Variants in HYDIN observed in about 807,000 individuals in gnomAD.
The protein encoded by HYDIN is axonemal central pair apparatus protein HYDIN.
HYDIN carries 132 observed loss-of-function variants against 403.9 expected under a neutral mutation model. The ratio of observed to expected loss-of-function variants is 0.33; its 90% CI spans 0.28 to 0.38. The LOEUF (loss-of-function observed/expected upper bound fraction) is 0.38, where lower values mean the gene tolerates loss of function less well. Among genes scored for constraint, HYDIN ranks in the 10% least tolerant of loss-of-function variants. The pLI is 1.00. For synonymous variants in HYDIN, 1,202 were observed against 1,891.7 expected (o/e 0.64, Z 9.46); for missense variants, 2,827 against 5,009.5 (o/e 0.56, Z 13.15).
intron 49 of HYDIN, among the ~76,000 whole-genome samples, chr16:70,907,883 A>G (rs983693038): frequency 6.6e-6 from 1 of 151,518 alleles, no homozygotes; most frequent in Non-Finnish European, 1.5e-5. Flanking sequence ...TAGGAGCTCT[A>G]CAGTGGTGTT....
At chr16:71,227,120 C>CAT (rs552909330) in intron 1 of HYDIN, among the ~76,000 whole-genome samples, 3 of 150,800 alleles carry the variant, frequency 2.0e-5, no homozygotes, top group Admixed American at 6.6e-5. Context: ...TGACTTTTGT[C>CAT]ATATATATAT....
chr16:71,136,897 A>C (rs1486793817), intron 8 of HYDIN, among the ~76,000 whole-genome samples: 1 of 142,182 alleles, frequency 7.0e-6, no homozygotes, highest in Non-Finnish European at 1.5e-5. Context: ...TTCAAAATCT[A>C]GGCATTCCAT....
chr16:70,970,784 G>C, intron 35 of HYDIN, 25 bp from the exon 36 acceptor site: 2 of 1,595,834 alleles, frequency 1.3e-6, no homozygotes, highest in South Asian at 1.1e-5. Context: ...AACAAAACAA[G>C]CATCTGAGTT....
At chr16:70,977,560 GC>G (rs1164794742) in intron 30 of HYDIN, among the ~76,000 whole-genome samples, 1 of 151,060 alleles carries the variant, frequency 6.6e-6, no homozygotes, top group African/African-American at 2.4e-5. Flanking sequence ...CCACATTAGA[GC>G]CCCCTCTTAA....
intron 30 of HYDIN, among the ~76,000 whole-genome samples, chr16:70,978,107 C>T (rs1454838477): frequency 1.3e-5 from 2 of 152,098 alleles, no homozygotes; most frequent in African/African-American, 2.4e-5. Flanking sequence ...CCACGGGAAA[C>T]AGCTGAACTC....
intron 75 of HYDIN, among the ~76,000 whole-genome samples, chr16:70,840,457 G>T (rs2143541924): frequency 6.6e-6 from 1 of 152,110 alleles, no homozygotes; most frequent in Admixed American, 6.5e-5. Flanking sequence ...TTGCAGCAAT[G>T]ATTCAGCTTG....
chr16:70,870,432 C>T (rs1026812426), intron 65 of HYDIN, among the ~76,000 whole-genome samples: 4 of 152,006 alleles, frequency 2.6e-5, no homozygotes, highest in African/African-American at 9.7e-5. Flanking sequence ...CAGGGACCCC[C>T]CTGCTGTGTG....
At chr16:70,877,778 CCT>C (rs1318629229) in intron 62 of HYDIN, among the ~76,000 whole-genome samples, 1 of 151,972 alleles carries the variant, frequency 6.6e-6, no homozygotes, top group Non-Finnish European at 1.5e-5. Flanking sequence ...GTTGGGGACC[CCT>C]CTCTTAAAAC....
chr16:71,059,822 G>T (rs2082023320), intron 18 of HYDIN, among the ~76,000 whole-genome samples: 1 of 152,192 alleles, frequency 6.6e-6, no homozygotes, highest in African/African-American at 2.4e-5. Flanking sequence ...TCAACCGCAT[G>T]GGGGTTTGGT....
intron 18 of HYDIN, among the ~76,000 whole-genome samples, chr16:71,038,552 A>G (rs570561566): frequency 1.9e-4 from 29 of 151,456 alleles, no homozygotes; most frequent in African/African-American, 7.0e-4. Flanking sequence ...AACAATAGGA[A>G]GCAATGTGCA....
intron 1 of HYDIN, among the ~76,000 whole-genome samples, chr16:71,225,247 G>C (rs1018533823): frequency 1.3e-5 from 2 of 152,052 alleles, no homozygotes; most frequent in African/African-American, 4.8e-5. Context: ...CAGGTTTTTC[G>C]TAGCAGACTT....
At chr16:70,939,119 G>A (rs143686640) in intron 43 of HYDIN, among the ~76,000 whole-genome samples, 1 of 152,208 alleles carries the variant, frequency 6.6e-6, no homozygotes, top group Non-Finnish European at 1.5e-5. Flanking sequence ...ATGCAGGAGA[G>A]TCAGTCAGAG....
At chr16:70,947,147 G>T (rs912386742) in intron 41 of HYDIN, among the ~76,000 whole-genome samples, 10 of 149,242 alleles carry the variant, frequency 6.7e-5, no homozygotes, top group Admixed American at 4.7e-4. Flanking sequence ...TCCAGTTTTT[G>T]CCCATTCAGT....
chr16:70,811,519 T>A (rs548747066), intron 84 of HYDIN: 1 of 150,894 alleles, frequency 6.6e-6, no homozygotes, highest in Non-Finnish European at 1.5e-5. Context: ...AAAAAGAATA[T>A]AGTATAAGAA....
intron 58 of HYDIN, among the ~76,000 whole-genome samples, chr16:70,888,457 GGGGT>G (rs1331708313): frequency 1.3e-5 from 2 of 152,150 alleles, no homozygotes; most frequent in African/African-American, 4.8e-5. Context: ...CTGCTGGGCA[GGGGT>G]GGGTGTCCCA....
intron 9 of HYDIN, among the ~76,000 whole-genome samples, chr16:71,126,249 T>C (rs1347417959): frequency 6.6e-6 from 1 of 152,094 alleles, no homozygotes; most frequent in African/African-American, 2.4e-5. Context: ...ATTTTCCCAA[T>C]TGGAAACATT....
rs1404688808 is a variant in HYDIN at position 70,908,715 on chromosome 16, G to A, written c.8151C>T (p.Ser2717=). ...TGTCCAGGTCTGTATCTGACAGCTG[G>A]GAAATGGTTCCAGCAGGTTCCCCAG... is the stretch of plus-strand genomic sequence containing the variant. ...VLSGEPAGTI[S]QLSDTDLDNF... is the part of the protein sequence containing the mutation. Residue 2717 remains serine (S), a synonymous_variant, in exon 48 of 86, where the codon TCC becomes TCT. Coordinates refer to ENST00000393567, the MANE Select transcript of HYDIN (RefSeq NM_001270974.2). The A allele has an allele frequency of 1.2e-6, 2 of 1,612,510 alleles. No individual in the cohort carries two copies.
chr16:71,190,941 T>A (rs1043334332), intron 1 of HYDIN, among the ~76,000 whole-genome samples: 3 of 152,026 alleles, frequency 2.0e-5, no homozygotes, highest in African/African-American at 7.2e-5. Flanking sequence ...AATGACTCAG[T>A]TTATTCACAA....
chr16:70,992,808 C>G (rs1024144719), intron 23 of HYDIN, among the ~76,000 whole-genome samples: 5 of 152,156 alleles, frequency 3.3e-5, no homozygotes, highest in Admixed American at 3.3e-4. Context: ...GCAGAGGAAC[C>G]CAGGGGAAAA....
Sources: gnomAD v4.1 joint callset for allele counts (sites outside exome capture counted in the v4.1 genomes callset) on GRCh38, gnomAD v4.1.1 for gene constraint, MANE v1.5 for transcripts, NCBI Gene and HGNC (gene_info 2026-07-23, HGNC 2026-07-21) for gene names.